The following PTPRG variants were observed in gnomAD, a reference collection of about 807,000 sequenced individuals.
The protein encoded by PTPRG is receptor-type tyrosine-protein phosphatase gamma.
In PTPRG, 102 loss-of-function variants were observed where a neutral mutation model predicts 165.3. The observed-to-expected ratio is 0.62, with a 90% CI of 0.53 to 0.73. The LOEUF is 0.73. Ranked by LOEUF, PTPRG falls within the 30% of genes least tolerant of loss-of-function variation. The pLI, the probability that PTPRG is intolerant of heterozygous loss-of-function variation, is 0.00. For synonymous variants in PTPRG, 675 were observed against 669.5 expected, an observed-to-expected ratio of 1.01 and a Z score of -0.13; for missense variants, 1,866 against 1,861.4, an observed-to-expected ratio of 1.00 and a Z score of -0.05.
At chr3:61,666,628 A>T (rs1702820201) in intron 1 of PTPRG, among the ~76,000 whole-genome samples, 1 of 152,342 alleles carries the variant, frequency 6.6e-6, no homozygotes, top group Non-Finnish European at 1.5e-5. Context: ...TGGTTTTCTC[A>T]AAACCTAAGG....
At chr3:61,893,500 A>G (rs1234276913) in intron 2 of PTPRG, among the ~76,000 whole-genome samples, 1 of 152,214 alleles carries the variant, frequency 6.6e-6, no homozygotes, top group African/African-American at 2.4e-5. Context: ...CCCATTATCT[A>G]CCGTTAGCTT....
At chr3:61,661,105 G>A (rs1702650369) in intron 1 of PTPRG, among the ~76,000 whole-genome samples, 1 of 151,068 alleles carries the variant, frequency 6.6e-6, no homozygotes, top group Non-Finnish European at 1.5e-5. Context: ...CAAGAGTCTT[G>A]CTCAGTTGTC....
In PTPRG at chr3:62,195,197, C is replaced by T. The variant is rs748471631; in HGVS notation, c.1327+27C>T. On this transcript the variant is annotated intron_variant, in intron 10 of 29. Coordinates refer to ENST00000474889, the MANE Select transcript of PTPRG (RefSeq NM_002841.4). The surrounding 1 kb of genome is among the most constrained non-coding windows in gnomAD (Gnocchi z 4.4). ...TGAGGCTGGCTTCCCCTCCTGTGGC[C>T]GGGGTGCCCCTGAGACTCCCTCCCA... is the stretch of plus-strand genomic sequence containing the variant. 21 of 1,595,008 alleles carry T rather than the reference C, an allele frequency of 1.3e-5. No individual in the cohort carries two copies. Among genetic ancestry groups the T allele is most frequent in the African/African-American group, 6.7e-5 (5 of 74,624 alleles).
chr3:61,665,503 C>CACAG (rs1277333524), intron 1 of PTPRG, among the ~76,000 whole-genome samples: 31 of 151,296 alleles, frequency 2.0e-4, no homozygotes, highest in Admixed American at 1.6e-3. Context: ...CACACACACA[C>CACAG]AGGCACAAAT....
intron 21 of PTPRG, 137 bp from the exon 22 acceptor site, chr3:62,272,809 C>A: frequency 2.0e-6 from 2 of 1,012,368 alleles, no homozygotes; most frequent in Non-Finnish European, 2.7e-6. Context: ...TGCACTCCAG[C>A]CTGGGCAACA....
chr3:61,707,987 C>T (rs1360051856), intron 1 of PTPRG, among the ~76,000 whole-genome samples: 1 of 152,086 alleles, frequency 6.6e-6, no homozygotes, highest in East Asian at 1.9e-4. Flanking sequence ...TAGGGTTTCA[C>T]CATGTTGCTC....
intron 1 of PTPRG, among the ~76,000 whole-genome samples, chr3:61,574,380 T>C (rs911591739): frequency 1.3e-5 from 2 of 152,250 alleles, no homozygotes; most frequent in Non-Finnish European, 2.9e-5. Context: ...ATGGTGATTC[T>C]AATGTGCACA....
Position 61,887,151 on chromosome 3 carries a change from TATATATATATATATATATA to T in PTPRG, c.191-102473_191-102455del, listed in dbSNP as rs2038068154. ...ATATATATATATATATATATATATA[TATATATATATATATATATA>T]TTTTTAATGCCATCATCAAACACTC... is the stretch of plus-strand genomic sequence containing the variant. On this transcript the variant is annotated intron_variant, in intron 2 of 29. Transcript: ENST00000474889. 5.1e-5 allele frequency among the ~76,000 whole-genome samples: 3 copies of T among 59,302 alleles called. 1 individual carries two copies. The Admixed American group carries it at 5.4e-4, about 11-fold the overall frequency. 38.9% of individuals were successfully genotyped at this position (59,302 alleles called of 152,430 possible). A position where few individuals can be genotyped will look rare whatever the true frequency, so the allele number is the denominator to read the frequency against.
intron 1 of PTPRG, among the ~76,000 whole-genome samples, chr3:61,671,628 A>C (rs1249835844): frequency 6.7e-5 from 10 of 148,588 alleles, no homozygotes; most frequent in African/African-American, 1.3e-4. Flanking sequence ...CATTGTCATC[A>C]TGGCCCGTTC....
chr3:61,997,607 G>A (rs568399691), intron 3 of PTPRG, among the ~76,000 whole-genome samples: 24 of 152,254 alleles, frequency 1.6e-4, no homozygotes, highest in Non-Finnish European at 2.6e-4. Context: ...CGATGCTCAG[G>A]TGCTACCCCT....
intron 1 of PTPRG, among the ~76,000 whole-genome samples, chr3:61,692,107 C>G (rs150894020): frequency 6.6e-6 from 1 of 152,186 alleles, no homozygotes; most frequent in Non-Finnish European, 1.5e-5. Flanking sequence ...TCTTCTGCTC[C>G]TACGCAGAGT....
At chr3:62,060,109 T>TC (rs957033457) in intron 4 of PTPRG, among the ~76,000 whole-genome samples, 18 of 150,690 alleles carry the variant, frequency 1.2e-4, no homozygotes, top group Admixed American at 4.0e-4. Flanking sequence ...CCCCAGCTAT[T>TC]CCCCAGGCAG....
At chr3:61,753,601 T>TTTTTTTTTTTG in intron 2 of PTPRG, 5 of 441,380 alleles carry the variant, frequency 1.1e-5, no homozygotes, top group Admixed American at 2.5e-5. Context: ...TTTTTTTTTT[T>TTTTTTTTTTTG]GGAGATTGGA....
intron 2 of PTPRG, among the ~76,000 whole-genome samples, chr3:61,773,697 A>G (rs2034280930): frequency 6.6e-6 from 1 of 152,156 alleles, no homozygotes; most frequent in Non-Finnish European, 1.5e-5. Context: ...GAGATCTCAA[A>G]AAAGAGCCTA....
intron 2 of PTPRG, among the ~76,000 whole-genome samples, chr3:61,980,896 C>T (rs1440800057): frequency 2.0e-5 from 3 of 152,176 alleles, no homozygotes; most frequent in African/African-American, 7.2e-5. Flanking sequence ...GGGAGGAGGG[C>T]CTCTTCTCCC....
rs1399890439 is a variant in PTPRG, at chr3:62,243,848, G to T, written c.2417G>T (p.Ser806Ile). Residue 806 changes from serine (S) to isoleucine (I), a missense_variant, in exon 15 of 30, where the codon AGT becomes ATT. Ser to Ile is a moderately radical substitution (Grantham distance 142, BLOSUM62 -2). Around this residue, in one of 3 missense-constraint regions of PTPRG, gnomAD observed 1,452 missense variants for 1,463.0 expected, o/e 0.99. Coordinates refer to ENST00000474889, the MANE Select transcript of PTPRG (RefSeq NM_002841.4). ...GCTCATTTCTATGTGGAAGACAGCA[G>T]TTCACCTCGAGTGGTCCCTAATGAA... Reference protein sequence around the residue: ...QTAHFYVEDSSSPRVVPNESI... With the variant: ...QTAHFYVEDSISPRVVPNESI... The T allele has an allele frequency of 6.3e-7, 1 of 1,596,988 alleles. No homozygotes were observed. Among genetic ancestry groups the T allele is most frequent in the Admixed American group, 1.7e-5 (1 of 59,790 alleles).
At chr3:61,581,613 T>TTC (rs1553637988) in intron 1 of PTPRG, among the ~76,000 whole-genome samples, 1 of 17,180 alleles carries the variant, frequency 5.8e-5, no homozygotes, top group African/African-American at 2.9e-4. Context: ...TTTTTTCTTT[T>TTC]TTTTTTTTTT....
intron 1 of PTPRG, among the ~76,000 whole-genome samples, chr3:61,616,708 G>A (rs1701308082): frequency 1.3e-5 from 2 of 152,204 alleles, no homozygotes; most frequent in African/African-American, 4.8e-5. Context: ...CCATGGCAAA[G>A]TACTTGGCTT....
At chr3:61,651,902 C>A (rs913598944) in intron 1 of PTPRG, among the ~76,000 whole-genome samples, 1 of 151,942 alleles carries the variant, frequency 6.6e-6, no homozygotes, top group Non-Finnish European at 1.5e-5. Flanking sequence ...CCCAGTTATT[C>A]GGGAGGCTGA....
Sources: allele counts gnomAD v4.1 joint callset (sites outside exome capture counted in the v4.1 genomes callset), GRCh38; gene constraint gnomAD v4.1.1; regional missense constraint gnomAD v4.1.1; non-coding constraint Gnocchi (gnomAD v3.1); transcripts MANE v1.5; gene names NCBI Gene and HGNC (gene_info 2026-07-23, HGNC 2026-07-21).